RYR3: variants seen among roughly 807,000 people sequenced by gnomAD.
RYR3 encodes brain ryanodine receptor-calcium release channel.
A neutral mutation model predicts 584.3 loss-of-function variants in RYR3; 207 were observed. The observed-to-expected ratio is 0.35, with a 90% CI of 0.32 to 0.40. The LOEUF is 0.40. Ranked by LOEUF, RYR3 falls within the 10% of genes least tolerant of loss-of-function variation. The pLI is 1.00. For synonymous variants in RYR3, 2,416 were observed against 2,248.5 expected, an observed-to-expected ratio of 1.07 and a Z score of -2.11; for missense variants, 5,616 against 6,089.2, an observed-to-expected ratio of 0.92 and a Z score of 2.59.
At chr15:33,716,189 G>T (rs1360436375) in intron 43 of RYR3, among the ~76,000 whole-genome samples, 1 of 152,150 alleles carries the variant, frequency 6.6e-6, no homozygotes, top group African/African-American at 2.4e-5. Context: ...ACCGTTTCCT[G>T]TATAGCCTGC....
intron 1 of RYR3, among the ~76,000 whole-genome samples, chr15:33,347,080 T>A (rs1972550942): frequency 6.6e-6 from 1 of 152,138 alleles, no homozygotes; most frequent in East Asian, 1.9e-4. Flanking sequence ...ATATCATGGG[T>A]CCATATTATC....
intron 1 of RYR3, among the ~76,000 whole-genome samples, chr15:33,464,623 A>G (rs1022672348): frequency 1.3e-5 from 2 of 150,686 alleles, no homozygotes; most frequent in Non-Finnish European, 3.0e-5. Context: ...CAATATATTT[A>G]ATTGATATAT....
intron 41 of RYR3, 45 bp from the exon 42 acceptor site, chr15:33,700,932 G>A: frequency 7.1e-7 from 1 of 1,414,978 alleles, no homozygotes; most frequent in Non-Finnish European, 9.9e-7. Flanking sequence ...AGCACTGAGT[G>A]TCTTCCTCTG....
At chr15:33,709,100 T>C (rs990976753) in intron 43 of RYR3, among the ~76,000 whole-genome samples, 1 of 152,138 alleles carries the variant, frequency 6.6e-6, no homozygotes, top group African/African-American at 2.4e-5. Flanking sequence ...TAATGACATA[T>C]TAATTCTTTG....
rs1281260014 is a variant in RYR3, at chr15:33,838,217, G to T, written c.12237G>T (p.Gln4079His). ...IFDVVNEGGE[Q>H]EKMELFVNFC... is the part of the protein sequence containing the mutation. ...ATGTTGTCAATGAAGGTGGGGAGCA[G>T]GAAAAGATGGAGCTGTTTGTGAACT... Residue 4079 changes from glutamine to histidine, a missense_variant, in exon 89 of 104, where the codon CAG becomes CAT. By Grantham distance (24) the Gln-to-His change is conservative (BLOSUM62 0). Around this residue, in one of 9 missense-constraint regions of RYR3, gnomAD observed 258 missense variants for 297.3 expected, o/e 0.87. Coordinates refer to ENST00000634891, the MANE Select transcript of RYR3 (RefSeq NM_001036.6). 1.2e-6 allele frequency: 2 copies of T among 1,613,998 alleles called. No homozygotes were observed. The highest frequency in any genetic ancestry group is 1.7e-6 in the Non-Finnish European group (2 of 1,179,886).
chr15:33,644,261 C>G (rs1002667294), intron 27 of RYR3, 50 bp from the exon 28 acceptor site: 1 of 1,492,290 alleles, frequency 6.7e-7, no homozygotes, highest in Non-Finnish European at 9.2e-7. Context: ...CTCGGAGTTT[C>G]CTGGGATGGT....
Position 33,837,780 on chromosome 15 carries a change from G to A in RYR3, c.11800G>A (p.Asp3934Asn), listed in dbSNP as rs1160031800. The A allele has an allele frequency of 2.5e-6, 4 of 1,613,948 alleles. No individual in the cohort carries two copies. Among genetic ancestry groups the A allele is most frequent in the Non-Finnish European group, 1.7e-6 (2 of 1,179,890 alleles). The part of the protein sequence containing the change: ...SSDTFKEYDP[D>N]GKGIISKKEF... ...AGACACCTTCAAAGAATATGACCCA[G>A]ATGGTAAAGGAATTATCTCCAAAAA... The change falls in exon 89 of 104, where the codon GAT becomes AAT. Residue 3934 changes from aspartate to asparagine, a missense_variant. By Grantham distance (23) the Asp-to-Asn change is conservative (BLOSUM62 1). Transcript: ENST00000634891.
intron 16 of RYR3, among the ~76,000 whole-genome samples, chr15:33,599,010 G>A (rs2059532816): frequency 1.3e-5 from 2 of 151,728 alleles, no homozygotes; most frequent in African/African-American, 4.8e-5. Context: ...AGCAGAGATC[G>A]AGCCACCGAA....
intron 1 of RYR3, among the ~76,000 whole-genome samples, chr15:33,368,744 G>A (rs370262599): frequency 9.9e-5 from 15 of 152,196 alleles, no homozygotes; most frequent in South Asian, 2.1e-4. Context: ...TCTTGGCAGC[G>A]TTCCACCCAG....
At chr15:33,808,327 G>T (rs2076315809) in intron 70 of RYR3, among the ~76,000 whole-genome samples, 1 of 152,164 alleles carries the variant, frequency 6.6e-6, no homozygotes, top group Non-Finnish European at 1.5e-5. Flanking sequence ...TGGTTTCAGG[G>T]GTTTTGGGAG....
Position 33,634,696 on chromosome 15 carries a change from T to C in RYR3, c.3138T>C (p.Gly1046=). Reference sequence around the variant, plus strand: ...GGGAAGCTGTGCGCACTTTTGTTGGTTACGGGTATAACATTGAGCCATCAG... The same window carrying C: ...GGGAAGCTGTGCGCACTTTTGTTGGCTACGGGTATAACATTGAGCCATCAG... ...SLREAVRTFV[G]YGYNIEPSDQ... Residue 1046 remains glycine (G), a synonymous_variant, in exon 25 of 104, where the codon GGT becomes GGC. Coordinates refer to ENST00000634891, the MANE Select transcript of RYR3 (RefSeq NM_001036.6). The C allele has an allele frequency of 6.2e-7, 1 of 1,613,972 alleles. No homozygotes were observed. Among genetic ancestry groups the C allele is most frequent in the Non-Finnish European group, 8.5e-7 (1 of 1,179,868 alleles).
At chr15:33,816,576 G>C (rs1010130333) in intron 74 of RYR3, among the ~76,000 whole-genome samples, 1 of 152,326 alleles carries the variant, frequency 6.6e-6, no homozygotes, top group South Asian at 2.1e-4. Flanking sequence ...TCATTGGAGA[G>C]GAAATGTGAT....
chr15:33,492,829 C>T lies in RYR3; in HGVS notation c.172-10802C>T, dbSNP rs923716539. 1.7e-4 allele frequency among the ~76,000 whole-genome samples: 26 copies of T among 152,200 alleles called. 1 individual carries two copies. Among genetic ancestry groups the T allele is most frequent in the African/African-American group, 5.3e-4 (22 of 41,530 alleles). ...TTGGCATTTCCTCAGCTCTCGTGGG[C>T]GCTTAACAATGCTTTTCTCAGTGTT... On this transcript the variant is annotated intron_variant, in intron 2 of 103. Transcript: ENST00000634891.
chr15:33,785,954 T>A lies in RYR3; in HGVS notation c.9561T>A (p.Asp3187Glu), dbSNP rs2074681677. ...TCATCAACAACAACCTGGGCATCGA[T>A]GAGGCCTCCTGGATGAAGCGCATTG... is the stretch of plus-strand genomic sequence containing the variant. ...LKIINNNLGI[D>E]EASWMKRIAV... is the part of the protein sequence containing the mutation. Residue 3187 changes from aspartate to glutamate, a missense_variant, in exon 66 of 104, where the codon GAT becomes GAA. Coordinates refer to ENST00000634891, the MANE Select transcript of RYR3 (RefSeq NM_001036.6). The A allele has an allele frequency of 1.3e-6, 2 of 1,598,970 alleles. No homozygotes were observed. The highest frequency in any genetic ancestry group is 1.7e-6 in the Non-Finnish European group (2 of 1,170,922).
intron 30 of RYR3, among the ~76,000 whole-genome samples, chr15:33,647,721 G>A (rs529535097): frequency 4.6e-5 from 7 of 152,302 alleles, no homozygotes; most frequent in Non-Finnish European, 7.3e-5. Context: ...TTTGCCATCA[G>A]GGATCCAACA....
In RYR3 at chr15:33,484,997, A is replaced by G. The variant is rs147045339; in HGVS notation, c.171+11459A>G. Among the ~76,000 whole-genome samples, 257 of 152,340 alleles carry G rather than the reference A, an allele frequency of 1.7e-3. 1 individual carries two copies. Among genetic ancestry groups the G allele is most frequent in the African/African-American group, 6.0e-3 (249 of 41,570 alleles). On this transcript the variant is annotated intron_variant, in intron 2 of 103. Coordinates refer to ENST00000634891, the MANE Select transcript of RYR3 (RefSeq NM_001036.6). ...GAGTGAATACAGAAAATGTTTATTA[A>G]AAAGAGAGGAGGGCCTGGGAAATGT... is the stretch of plus-strand genomic sequence containing the variant.
At chr15:33,437,082 C>T (rs2045787348) in intron 1 of RYR3, among the ~76,000 whole-genome samples, 1 of 150,988 alleles carries the variant, frequency 6.6e-6, no homozygotes, top group South Asian at 2.1e-4. Context: ...TATCAAGATT[C>T]CATGTGTTTG....
chr15:33,729,576 A>G (rs899018243), intron 47 of RYR3, among the ~76,000 whole-genome samples: 3 of 152,210 alleles, frequency 2.0e-5, no homozygotes, highest in Admixed American at 2.0e-4. Context: ...GGTCAATACA[A>G]GAGGACAAAG....
chr15:33,830,864 C>T (rs2077635217), intron 85 of RYR3, 99 bp from the exon 86 acceptor site: 2 of 1,268,586 alleles, frequency 1.6e-6, no homozygotes, highest in East Asian at 2.4e-5. Context: ...GCAAAGAGGT[C>T]ATAGAGATGC....
Sources: allele counts gnomAD v4.1 joint callset (sites outside exome capture counted in the v4.1 genomes callset), GRCh38; gene constraint gnomAD v4.1.1; regional missense constraint gnomAD v4.1.1; transcripts MANE v1.5; gene names NCBI Gene and HGNC (gene_info 2026-07-23, HGNC 2026-07-21).